The following PLEKHG1 variants were observed in gnomAD, a reference collection of about 807,000 sequenced individuals.
PLEKHG1 encodes pleckstrin homology and RhoGEF domain containing G1, also known as pleckstrin homology domain-containing family G member 1.
A neutral mutation model predicts 100.8 loss-of-function variants in PLEKHG1; 44 were observed. That is an observed-to-expected ratio of 0.44 (90% confidence interval 0.34 to 0.56). PLEKHG1 has a LOEUF of 0.56. Ranked by LOEUF, PLEKHG1 falls within the 20% of genes least tolerant of loss-of-function variation. PLEKHG1 has a pLI of 0.01. For synonymous variants in PLEKHG1, 640 were observed against 662.5 expected (o/e 0.97, Z 0.52); for missense variants, 1,545 against 1,720.9 (o/e 0.90, Z 1.81).
intron 10 of PLEKHG1, 101 bp from the exon 12 acceptor site, chr6:150,818,082 T>A: frequency 1.1e-6 from 1 of 937,164 alleles, no homozygotes; most frequent in Non-Finnish European, 1.7e-6. Context: ...TAAACGTTTT[T>A]AAAAATCTAT....
chr6:150,667,092 G>A (rs896607328), intron 3 of PLEKHG1, among the ~76,000 whole-genome samples: 1 of 150,022 alleles, frequency 6.7e-6, no homozygotes, highest in African/African-American at 2.5e-5. Context: ...AAAAGGGGGT[G>A]TGTGTGTGTT....
chr6:150,679,892 G>A (rs1351528865), intron 3 of PLEKHG1, among the ~76,000 whole-genome samples: 1 of 152,228 alleles, frequency 6.6e-6, no homozygotes, highest in Admixed American at 6.5e-5. Context: ...CAGGAACTGA[G>A]GCGGGGGCAG....
chr6:150,796,391 G>A (rs956298094), intron 5 of PLEKHG1, among the ~76,000 whole-genome samples: 4 of 152,126 alleles, frequency 2.6e-5, no homozygotes, highest in Admixed American at 2.6e-4. Context: ...GAGAAGAGGG[G>A]CATCGTCATC....
intron 1 of PLEKHG1, among the ~76,000 whole-genome samples, chr6:150,628,080 G>T (rs1470346660): frequency 3.9e-5 from 6 of 152,174 alleles, no homozygotes; most frequent in Non-Finnish European, 5.9e-5. Context: ...TAAATATTGT[G>T]AATTCAATTA....
At chr6:150,823,451 T>C (rs1170144170) in intron 13 of PLEKHG1, among the ~76,000 whole-genome samples, 1 of 152,138 alleles carries the variant, frequency 6.6e-6, no homozygotes, top group Admixed American at 6.5e-5. Context: ...CTCAGATGCA[T>C]GTAAGGTTGT....
At chr6:150,710,457 C>T (rs1781202957) in intron 3 of PLEKHG1, among the ~76,000 whole-genome samples, 1 of 152,076 alleles carries the variant, frequency 6.6e-6, no homozygotes, top group Non-Finnish European at 1.5e-5. Flanking sequence ...GGACCCAGTC[C>T]AAGCGATGAG....
rs773146420 is a variant in PLEKHG1 at position 150,831,416 on chromosome 6, T to C, written c.2305T>C (p.Leu769=). Residue 769 remains leucine, a synonymous_variant, in exon 15 of 16, where the codon TTG becomes CTG. Transcript: ENST00000358517. The surrounding 1 kb of genome is among the most constrained non-coding windows in gnomAD (Gnocchi z 4.1). Reference sequence around the variant, plus strand: ...AAAGCGTGCAAAGCGGAGCACCTTTTTGGGTCTGGAGGCCGACTTCGTGTG... The same window carrying C: ...AAAGCGTGCAAAGCGGAGCACCTTTCTGGGTCTGGAGGCCGACTTCGTGTG... 9 of 1,614,042 alleles carry C rather than the reference T, an allele frequency of 5.6e-6. No homozygotes were observed. The East Asian group carries it at 1.8e-4, about 32-fold the overall frequency.
At chr6:150,763,448 A>G (rs1784287505) in intron 2 of PLEKHG1, among the ~76,000 whole-genome samples, 1 of 152,206 alleles carries the variant, frequency 6.6e-6, no homozygotes, top group Admixed American at 6.5e-5. Context: ...CAAGAACAAA[A>G]TGAGCCAGCC....
chr6:150,742,197 T>A (rs1053888854), intron 2 of PLEKHG1, among the ~76,000 whole-genome samples: 2 of 152,206 alleles, frequency 1.3e-5, no homozygotes, highest in Non-Finnish European at 2.9e-5. Context: ...CACAGTAGCA[T>A]CTGCTTCTGA....
At chr6:150,705,013 G>A (rs139373872) in intron 3 of PLEKHG1, among the ~76,000 whole-genome samples, 23 of 152,144 alleles carry the variant, frequency 1.5e-4, no homozygotes, top group African/African-American at 4.3e-4. Context: ...TAAAGGGCTC[G>A]TCTCCAAATA....
At chr6:150,644,642 T>C (rs944087919) in intron 2 of PLEKHG1, among the ~76,000 whole-genome samples, 1 of 152,148 alleles carries the variant, frequency 6.6e-6, no homozygotes, top group Non-Finnish European at 1.5e-5. Context: ...TAGTGTTTTT[T>C]GTATTCTTCT....
chr6:150,773,657 T>C (rs1784813892), intron 3 of PLEKHG1, among the ~76,000 whole-genome samples: 1 of 152,276 alleles, frequency 6.6e-6, no homozygotes, highest in Non-Finnish European at 1.5e-5. Context: ...TACATTGCTC[T>C]TCTTCAACAC....
chr6:150,673,845 G>C (rs1779652294), intron 3 of PLEKHG1, among the ~76,000 whole-genome samples: 1 of 152,200 alleles, frequency 6.6e-6, no homozygotes, highest in East Asian at 1.9e-4. Context: ...TGTATTTTTT[G>C]TAGAGATGAG....
At chr6:150,682,897 G>C (rs78287123) in intron 3 of PLEKHG1, among the ~76,000 whole-genome samples, 1 of 152,186 alleles carries the variant, frequency 6.6e-6, no homozygotes, top group East Asian at 1.9e-4. Context: ...ACCCACATGA[G>C]AGAACAGCAG....
intron 7 of PLEKHG1, among the ~76,000 whole-genome samples, chr6:150,808,201 T>C (rs942646542): frequency 2.0e-5 from 3 of 152,120 alleles, no homozygotes; most frequent in African/African-American, 7.2e-5. Context: ...ACCTACTGTG[T>C]ACCCATAAAA....
exon 16 of PLEKHG1, chr6:150,840,698 A>G (rs1777485795): frequency 1.2e-6 from 2 of 1,614,224 alleles, no homozygotes; most frequent in Non-Finnish European, 1.7e-6. Flanking sequence ...GCGGCAACAC[A>G]TTGCATTCTT....
At chr6:150,797,651 A>G (rs1433454520) in intron 5 of PLEKHG1, among the ~76,000 whole-genome samples, 2 of 151,844 alleles carry the variant, frequency 1.3e-5, no homozygotes, top group African/African-American at 2.4e-5. Context: ...CCCGGGCAAT[A>G]TGGCAAAACC....
intron 2 of PLEKHG1, among the ~76,000 whole-genome samples, chr6:150,756,695 A>G (rs992194670): frequency 2.0e-5 from 3 of 152,186 alleles, no homozygotes; most frequent in Non-Finnish European, 4.4e-5. Context: ...AATATTGTCC[A>G]GGTAACCCCT....
chr6:150,753,430 T>A (rs1427960157), intron 2 of PLEKHG1, among the ~76,000 whole-genome samples: 2 of 152,192 alleles, frequency 1.3e-5, no homozygotes, highest in Admixed American at 6.5e-5. Flanking sequence ...ATAATGGGGC[T>A]TACGGTGATG....
Sources: gnomAD v4.1 joint callset for allele counts (sites outside exome capture counted in the v4.1 genomes callset) on GRCh38, gnomAD v4.1.1 for gene constraint, Gnocchi (gnomAD v3.1) non-coding constraint, MANE v1.5 for transcripts, NCBI Gene and HGNC (gene_info 2026-07-23, HGNC 2026-07-21) for gene names.